Variants in RYR3 observed in about 807,000 individuals in gnomAD.
RYR3 encodes the protein brain ryanodine receptor-calcium release channel.
In RYR3, 207 loss-of-function variants were observed where a neutral mutation model predicts 584.3. The observed-to-expected ratio is 0.35, with a 90% CI of 0.32 to 0.40. The LOEUF (loss-of-function observed/expected upper bound fraction) is 0.40, where lower values mean the gene tolerates loss of function less well. RYR3 is among the 10% of genes least tolerant of loss of function. RYR3 has a pLI of 1.00. For missense variants in RYR3, 5,616 were observed against 6,089.2 expected (o/e 0.92, Z 2.59); for synonymous variants, 2,416 against 2,248.5 (o/e 1.07, Z -2.11).
At chr15:33,448,587 A>G (rs2046859260) in intron 1 of RYR3, among the ~76,000 whole-genome samples, 1 of 152,264 alleles carries the variant, frequency 6.6e-6, no homozygotes, top group Non-Finnish European at 1.5e-5. Flanking sequence ...AAGTATGTAC[A>G]AGAGTTTCCA....
At chr15:33,603,448 C>T in intron 18 of RYR3, 84 bp downstream of exon 18, 1 of 1,382,934 alleles carries the variant, frequency 7.2e-7, no homozygotes. Context: ...TGACCACTTC[C>T]ATTTGAAATG....
rs2152981545 is a variant in RYR3 at position 33,838,880 on chromosome 15, G to C, written c.12900G>C (p.Leu4300Phe). The change falls in exon 89 of 104, where the codon TTG (leucine) becomes TTC (phenylalanine). Residue 4300 changes from leucine to phenylalanine, a missense_variant. Coordinates refer to ENST00000634891, the MANE Select transcript of RYR3 (RefSeq NM_001036.6). ...GSLKHGPEVG[L>F]GDLSEIIGKD... ...TAAAGCATGGGCCTGAAGTGGGTTTGGGTGACCTCTCAGAAATTATTGGCA... is the reference window on the plus strand; with the variant it reads ...TAAAGCATGGGCCTGAAGTGGGTTTCGGTGACCTCTCAGAAATTATTGGCA... The C allele has an allele frequency of 6.2e-7, 1 of 1,613,966 alleles. No individual in the cohort carries two copies. Among genetic ancestry groups the C allele is most frequent in the Non-Finnish European group, 8.5e-7 (1 of 1,179,868 alleles).
chr15:33,348,730 C>T (rs1018524381), intron 1 of RYR3, among the ~76,000 whole-genome samples: 13 of 152,096 alleles, frequency 8.5e-5, no homozygotes, highest in Non-Finnish European at 1.9e-4. Flanking sequence ...CCCACCTCTG[C>T]CTCCCAAAGT....
intron 1 of RYR3, among the ~76,000 whole-genome samples, chr15:33,394,978 G>C (rs2042215490): frequency 6.6e-6 from 1 of 152,118 alleles, no homozygotes; most frequent in Admixed American, 6.5e-5. Flanking sequence ...TGATACCCGG[G>C]TCCCAATCTT....
rs565362356 is a variant in RYR3, at chr15:33,688,441, C to T, written c.5861-7777C>T. Among the ~76,000 whole-genome samples, 757 of 151,900 alleles carry T rather than the reference C, an allele frequency of 5.0e-3. 3 individuals are homozygous for T. Among genetic ancestry groups the T allele is most frequent in the African/African-American group, 0.016 (678 of 41,406 alleles). On this transcript the variant is annotated intron_variant, in intron 38 of 103. Coordinates refer to ENST00000634891, the MANE Select transcript of RYR3 (RefSeq NM_001036.6). ...ACAAAAAATTAGCCAGGCGTGGTGG[C>T]GGGCACCTGTAGTCCCAGCTACTTG... is the stretch of plus-strand genomic sequence containing the variant.
chr15:33,687,185 A>C (rs1004828076), intron 38 of RYR3, among the ~76,000 whole-genome samples: 7 of 152,196 alleles, frequency 4.6e-5, no homozygotes, highest in Non-Finnish European at 1.0e-4. Context: ...CTCAGCCCAA[A>C]ATCTCCTTAA....
At chr15:33,420,527 G>A (rs2044164995) in intron 1 of RYR3, among the ~76,000 whole-genome samples, 1 of 152,120 alleles carries the variant, frequency 6.6e-6, no homozygotes, top group Admixed American at 6.5e-5. Flanking sequence ...ATTTGTTCTT[G>A]CAACATCCTG....
intron 85 of RYR3, among the ~76,000 whole-genome samples, chr15:33,828,694 G>T (rs1256699245): frequency 6.6e-6 from 1 of 152,224 alleles, no homozygotes; most frequent in Non-Finnish European, 1.5e-5. Context: ...CCAAAGAACA[G>T]TTTGAAGCTA....
intron 1 of RYR3, among the ~76,000 whole-genome samples, chr15:33,411,505 G>A (rs548984747): frequency 9.2e-5 from 14 of 152,324 alleles, no homozygotes; most frequent in African/African-American, 3.4e-4. Flanking sequence ...GTTCAGATGG[G>A]ATGCACACGG....
chr15:33,733,188 G>T (rs1288993309), intron 48 of RYR3, among the ~76,000 whole-genome samples: 1 of 152,192 alleles, frequency 6.6e-6, no homozygotes, highest in Non-Finnish European at 1.5e-5. Flanking sequence ...TAGTTTGTCA[G>T]TTTCTTACAA....
chr15:33,611,752 G>T (rs1354531641), intron 18 of RYR3, among the ~76,000 whole-genome samples: 1 of 151,962 alleles, frequency 6.6e-6, no homozygotes, highest in Non-Finnish European at 1.5e-5. Context: ...TCCACCTCTT[G>T]GGTTCAAGCT....
chr15:33,826,112 A>T (rs1188036798), intron 82 of RYR3, 140 bp from the exon 83 acceptor site: 1 of 789,206 alleles, frequency 1.3e-6, no homozygotes, highest in Non-Finnish European at 2.2e-6. Context: ...CTGTTTCAGT[A>T]AAATGCTTCC....
At chr15:33,722,208 A>G (rs761817010) in intron 43 of RYR3, among the ~76,000 whole-genome samples, 2 of 152,140 alleles carry the variant, frequency 1.3e-5, no homozygotes, top group Non-Finnish European at 2.9e-5. Flanking sequence ...AAGGAAGCAG[A>G]TTTGCATGCC....
chr15:33,662,783 T>A lies in RYR3; in HGVS notation c.5253T>A (p.Asp1751Glu). The A allele has an allele frequency of 6.2e-7, 1 of 1,613,922 alleles. No homozygotes were observed. Among genetic ancestry groups the A allele is most frequent in the South Asian group, 1.1e-5 (1 of 91,062 alleles). The change falls in exon 35 of 104, where the codon GAT becomes GAA. Residue 1751 changes from aspartate (D) to glutamate (E), a missense_variant. Physicochemically the swap from Asp to Glu is conservative, Grantham distance 45 (BLOSUM62 2). This residue lies in a region of RYR3 where 753 missense variants were observed against 741.0 expected (regional missense o/e 1.02). Coordinates refer to ENST00000634891, the MANE Select transcript of RYR3 (RefSeq NM_001036.6). ...TTCGGCAGATCCTCCTCCTGATTGA[T>A]CCCTCTGTGTTTGGGGAGCATAGTG... is the stretch of plus-strand genomic sequence containing the variant. ...DDVRQILLLI[D>E]PSVFGEHSAG...
chr15:33,465,743 AGGT>A (rs750819353), intron 1 of RYR3: 4 of 519,102 alleles, frequency 7.7e-6, no homozygotes, highest in Middle Eastern at 3.2e-4. Context: ...TGGCTGAGCT[AGGT>A]GGTGGTGGTG....
Position 33,623,106 on chromosome 15 carries a change from T to C in RYR3, c.2358-701T>C, listed in dbSNP as rs1284774301. On this transcript the variant is annotated intron_variant, in intron 19 of 103. Coordinates refer to ENST00000634891, the MANE Select transcript of RYR3 (RefSeq NM_001036.6). The stretch of plus-strand genomic sequence containing the variant: ...AGGAGGTGGGCCAGGGTGTCAGGAC[T>C]GGGTACTATCAGGAGGATGATACTA... 2.0e-5 allele frequency among the ~76,000 whole-genome samples: 3 copies of C among 152,296 alleles called. No homozygotes were observed. The East Asian group carries it at 5.8e-4, about 29-fold the overall frequency.
chr15:33,678,587 G>A (rs565549312), intron 38 of RYR3, among the ~76,000 whole-genome samples: 1 of 152,340 alleles, frequency 6.6e-6, no homozygotes, highest in Admixed American at 6.5e-5. Context: ...GATAATGAGA[G>A]GTAGGATGTT....
chr15:33,747,123 T>C (rs1483098130), intron 53 of RYR3, among the ~76,000 whole-genome samples: 1 of 152,124 alleles, frequency 6.6e-6, no homozygotes, highest in Non-Finnish European at 1.5e-5. Flanking sequence ...AAATGATTTC[T>C]AATACATGGA....
At chr15:33,864,096 G>A (rs539694577) in intron 102 of RYR3, 42 bp from the exon 103 acceptor site, 1 of 1,485,702 alleles carries the variant, frequency 6.7e-7, no homozygotes, top group Non-Finnish European at 9.3e-7. Flanking sequence ...ATGAACTTGG[G>A]TCTTGACCAG....
Sources: gnomAD v4.1 joint callset for allele counts (sites outside exome capture counted in the v4.1 genomes callset) on GRCh38, gnomAD v4.1.1 for gene constraint, gnomAD v4.1.1 regional missense constraint, MANE v1.5 for transcripts, NCBI Gene and HGNC (gene_info 2026-07-23, HGNC 2026-07-21) for gene names.